The following DIAPH3 variants were observed in gnomAD, a reference collection of about 807,000 sequenced individuals.
DIAPH3 encodes the protein protein diaphanous homolog 3.
Under a neutral mutation model 144.3 loss-of-function variants are expected in DIAPH3, and 117 were observed. The ratio of observed to expected loss-of-function variants is 0.81; its 90% CI spans 0.70 to 0.95. The LOEUF is 0.95. Among genes scored for constraint, DIAPH3 ranks in the 40% least tolerant of loss-of-function variants. The pLI, the probability that DIAPH3 is intolerant of heterozygous loss-of-function variation, is 0.00. For synonymous variants in DIAPH3, 519 were observed against 488.9 expected, an observed-to-expected ratio of 1.06 and a Z score of -0.81; for missense variants, 1,421 against 1,412.7, an observed-to-expected ratio of 1.01 and a Z score of -0.09.
chr13:59,941,436 C>T (rs1447800833), intron 17 of DIAPH3, among the ~76,000 whole-genome samples: 6 of 152,176 alleles, frequency 3.9e-5, no homozygotes, highest in African/African-American at 1.4e-4. Context: ...GGAGAGCCAC[C>T]TGGGGAGTAA....
intron 12 of DIAPH3, among the ~76,000 whole-genome samples, chr13:59,987,560 A>C (rs2051498983): frequency 6.7e-6 from 1 of 148,378 alleles, no homozygotes; most frequent in Admixed American, 6.7e-5. Flanking sequence ...GTAGGTATTT[A>C]TTGCTTTCTT....
chr13:59,868,774 T>C (rs953588214), intron 21 of DIAPH3, among the ~76,000 whole-genome samples: 1 of 152,160 alleles, frequency 6.6e-6, no homozygotes, highest in Non-Finnish European at 1.5e-5. Context: ...TTATTGTCTC[T>C]AGACTTTTGC....
At chr13:59,871,251 A>G (rs2044258877) in intron 21 of DIAPH3, among the ~76,000 whole-genome samples, 1 of 150,426 alleles carries the variant, frequency 6.6e-6, no homozygotes, top group Admixed American at 6.6e-5. Context: ...ATGAAGAAAG[A>G]GTTTTGTTTA....
chr13:59,939,638 T>C (rs188229980), intron 17 of DIAPH3, among the ~76,000 whole-genome samples: 30 of 152,162 alleles, frequency 2.0e-4, no homozygotes, highest in African/African-American at 5.1e-4. Flanking sequence ...CCTCAAACCA[T>C]TTACCCAGGA....
intron 25 of DIAPH3, among the ~76,000 whole-genome samples, chr13:59,801,643 A>G (rs947464834): frequency 9.2e-5 from 14 of 152,304 alleles, no homozygotes; most frequent in Middle Eastern, 3.4e-3. Context: ...ATTTTCTGTT[A>G]CTATGCTAGT....
chr13:59,809,090 G>C (rs956498011), intron 25 of DIAPH3, among the ~76,000 whole-genome samples: 1 of 152,086 alleles, frequency 6.6e-6, no homozygotes, highest in East Asian at 1.9e-4. Context: ...TTTCAAATTG[G>C]TATAAGAGAG....
intron 17 of DIAPH3, among the ~76,000 whole-genome samples, chr13:59,931,375 G>T (rs1339905290): frequency 1.3e-5 from 2 of 152,122 alleles, no homozygotes; most frequent in Non-Finnish European, 2.9e-5. Context: ...TGCAGCAAAT[G>T]AATCCTGTTA....
At chr13:59,851,969 A>C (rs2043001405) in intron 22 of DIAPH3, among the ~76,000 whole-genome samples, 1 of 151,986 alleles carries the variant, frequency 6.6e-6, no homozygotes, top group Admixed American at 6.6e-5. Flanking sequence ...TCTGTCACTC[A>C]CAGTCAAGCC....
chr13:59,807,479 T>G (rs897783056), intron 25 of DIAPH3, among the ~76,000 whole-genome samples: 1 of 152,076 alleles, frequency 6.6e-6, no homozygotes, highest in Non-Finnish European at 1.5e-5. Flanking sequence ...TTCATATGTA[T>G]GATATAGACA....
intron 5 of DIAPH3, 146 bp downstream of exon 5, chr13:60,042,544 A>G (rs183925377): frequency 4.4e-5 from 43 of 983,366 alleles, no homozygotes; most frequent in Non-Finnish European, 6.4e-5. Context: ...TATTGAGACT[A>G]TATTTCTTCC....
At chr13:59,920,521 T>C (rs2140283188) in intron 18 of DIAPH3, among the ~76,000 whole-genome samples, 1 of 151,792 alleles carries the variant, frequency 6.6e-6, no homozygotes, top group South Asian at 2.1e-4. Flanking sequence ...TATGTGTATA[T>C]GCATGTGTGT....
chr13:59,796,269 C>A (rs1273800091), intron 25 of DIAPH3, among the ~76,000 whole-genome samples: 1 of 152,150 alleles, frequency 6.6e-6, no homozygotes, highest in Non-Finnish European at 1.5e-5. Context: ...ATCTCAGAAC[C>A]TCGATCACGG....
At chr13:59,804,501 G>A (rs1430059056) in intron 25 of DIAPH3, among the ~76,000 whole-genome samples, 1 of 152,164 alleles carries the variant, frequency 6.6e-6, no homozygotes, top group Non-Finnish European at 1.5e-5. Context: ...ATAGTCTCAT[G>A]AGTTTGTTAT....
At chr13:59,851,809 G>A (rs2042989993) in intron 22 of DIAPH3, among the ~76,000 whole-genome samples, 1 of 151,986 alleles carries the variant, frequency 6.6e-6, no homozygotes, top group East Asian at 1.9e-4. Context: ...TAGTAGAGAC[G>A]GGGTTTCACC....
chr13:59,777,777 A>G (rs2038500498), intron 25 of DIAPH3, among the ~76,000 whole-genome samples: 1 of 152,178 alleles, frequency 6.6e-6, no homozygotes, highest in Non-Finnish European at 1.5e-5. Context: ...ATGTATCAAT[A>G]TCATGAAAGA....
At chr13:60,116,928 T>C (rs1328494893) in intron 2 of DIAPH3, among the ~76,000 whole-genome samples, 1 of 152,074 alleles carries the variant, frequency 6.6e-6, no homozygotes, top group African/African-American at 2.4e-5. Flanking sequence ...AGCATCAGGT[T>C]GAATACGTTG....
intron 2 of DIAPH3, among the ~76,000 whole-genome samples, chr13:60,127,076 A>G (rs972449813): frequency 5.5e-4 from 83 of 152,132 alleles, no homozygotes; most frequent in African/African-American, 1.9e-3. Context: ...CAAAAGATCA[A>G]TAAAACTGGC....
intron 17 of DIAPH3, among the ~76,000 whole-genome samples, chr13:59,954,568 C>T (rs1405217588): frequency 1.3e-5 from 2 of 152,110 alleles, no homozygotes; most frequent in Non-Finnish European, 2.9e-5. Flanking sequence ...TCTCTGGATT[C>T]AACTCTCTTA....
intron 4 of DIAPH3, among the ~76,000 whole-genome samples, chr13:60,086,479 G>A (rs772299079): frequency 4.6e-5 from 7 of 152,070 alleles, no homozygotes; most frequent in Admixed American, 6.6e-5. Context: ...AAACAAGCAG[G>A]CAAAGCATCA....
Sources: allele counts gnomAD v4.1 joint callset (sites outside exome capture counted in the v4.1 genomes callset), GRCh38; gene constraint gnomAD v4.1.1; transcripts MANE v1.5; gene names NCBI Gene and HGNC (gene_info 2026-07-23, HGNC 2026-07-21).